HDAC9: variants seen among roughly 807,000 people sequenced by gnomAD.
HDAC9 encodes the protein MEF-2 interacting transcription repressor (MITR) protein.
In HDAC9, 41 loss-of-function variants were observed where a neutral mutation model predicts 139.4. The ratio of observed to expected loss-of-function variants is 0.29; its 90% CI spans 0.23 to 0.38. HDAC9 has a LOEUF of 0.38. HDAC9 is among the 10% of genes least tolerant of loss of function. HDAC9 has a pLI of 1.00. For missense variants in HDAC9, 1,147 were observed against 1,297.0 expected (o/e 0.88, Z 1.78); for synonymous variants, 517 against 476.2 (o/e 1.09, Z -1.12).
At chr7:18,751,728 G>A (rs1221393017) in intron 14 of HDAC9, among the ~76,000 whole-genome samples, 7 of 152,070 alleles carry the variant, frequency 4.6e-5, no homozygotes, top group South Asian at 2.1e-4. Flanking sequence ...ATTTTAGAAA[G>A]TATTAACTAA....
intron 8 of HDAC9, among the ~76,000 whole-genome samples, chr7:18,643,510 C>T (rs1786385031): frequency 1.3e-5 from 2 of 152,060 alleles, no homozygotes; most frequent in Non-Finnish European, 2.9e-5. Flanking sequence ...CATCTCCAAA[C>T]AAACGTATGA....
intron 2 of HDAC9, chr7:18,543,674 G>A (rs557068873): frequency 2.9e-4 from 44 of 152,146 alleles, no homozygotes; most frequent in Middle Eastern, 3.4e-3. Flanking sequence ...TGAACAAAAA[G>A]GTAAAATTTT....
chr7:18,883,648 C>T (rs1042466899), intron 22 of HDAC9, among the ~76,000 whole-genome samples: 2 of 151,982 alleles, frequency 1.3e-5, no homozygotes, highest in Non-Finnish European at 2.9e-5. Context: ...TGCTCACTCT[C>T]GCCACTTCTA....
chr7:18,482,100 T>G (rs539506070), intron 1 of HDAC9, among the ~76,000 whole-genome samples: 8 of 152,126 alleles, frequency 5.3e-5, no homozygotes, highest in Admixed American at 4.6e-4. Context: ...CAGGAGCCTC[T>G]GTAACTCTGA....
At chr7:18,979,644 C>G (rs188819066) in intron 25 of HDAC9, among the ~76,000 whole-genome samples, 16 of 152,302 alleles carry the variant, frequency 1.1e-4, no homozygotes, top group Admixed American at 1.0e-3. Context: ...ACAGGACTTT[C>G]AGGAAGCAAG....
intron 15 of HDAC9, among the ~76,000 whole-genome samples, chr7:18,765,054 G>A (rs368088734): frequency 3.3e-5 from 5 of 152,120 alleles, no homozygotes; most frequent in African/African-American, 7.2e-5. Context: ...TATTCCTGTC[G>A]CTCTTATGAC....
At chr7:18,429,407 T>A (rs1790423023) in intron 1 of HDAC9, 1 of 152,178 alleles carries the variant, frequency 6.6e-6, no homozygotes, top group Non-Finnish European at 1.5e-5. Flanking sequence ...ATGTGGTGTT[T>A]TGTTCCTTGT....
intron 2 of HDAC9, among the ~76,000 whole-genome samples, chr7:18,575,327 C>G (rs993454453): frequency 6.6e-6 from 1 of 152,088 alleles, no homozygotes; most frequent in Non-Finnish European, 1.5e-5. Context: ...TAATTTTTAT[C>G]TTTAAAATGG....
chr7:18,361,534 T>C (rs899478985), intron 1 of HDAC9, among the ~76,000 whole-genome samples: 1 of 152,182 alleles, frequency 6.6e-6, no homozygotes, highest in African/African-American at 2.4e-5. Context: ...ACATTCTTAT[T>C]CTGTATATTT....
intron 2 of HDAC9, among the ~76,000 whole-genome samples, chr7:18,194,938 TTGTGTGTG>T (rs112692661): frequency 6.7e-6 from 1 of 148,844 alleles, no homozygotes; most frequent in East Asian, 2.0e-4. Flanking sequence ...CTTTATAGTT[TTGTGTGTG>T]TGTGTGTGTG....
At chr7:18,694,649 C>G (rs1323565800) in intron 12 of HDAC9, among the ~76,000 whole-genome samples, 2 of 152,004 alleles carry the variant, frequency 1.3e-5, no homozygotes. Context: ...TCGCAAATCC[C>G]TTTCGTGGAG....
At chr7:18,356,614 C>T (rs909478243) in intron 1 of HDAC9, among the ~76,000 whole-genome samples, 3 of 151,996 alleles carry the variant, frequency 2.0e-5, no homozygotes, top group African/African-American at 7.2e-5. Flanking sequence ...GGAGTAATTT[C>T]AGTTGAAACT....
chr7:18,184,883 A>C (rs1434533829), intron 2 of HDAC9, among the ~76,000 whole-genome samples: 1 of 152,200 alleles, frequency 6.6e-6, no homozygotes, highest in East Asian at 1.9e-4. Context: ...TTTATGATTT[A>C]CACCTAATCT....
chr7:18,124,925 A>C (rs1409119635), intron 1 of HDAC9, among the ~76,000 whole-genome samples: 2 of 150,502 alleles, frequency 1.3e-5, no homozygotes, highest in Non-Finnish European at 3.0e-5. Flanking sequence ...CATTGTTAGC[A>C]ACAGAGGAAA....
chr7:18,987,954 C>T (rs920568301), intron 25 of HDAC9, among the ~76,000 whole-genome samples: 2 of 80,352 alleles, frequency 2.5e-5, no homozygotes, highest in East Asian at 3.5e-4. Flanking sequence ...TGATTCTTCT[C>T]CCTTTTCTTC....
chr7:18,362,680 G>T (rs979581078), intron 1 of HDAC9, among the ~76,000 whole-genome samples: 5 of 152,132 alleles, frequency 3.3e-5, no homozygotes, highest in African/African-American at 9.7e-5. Context: ...GTAAAAGAGT[G>T]AATGGATTGC....
In HDAC9 at chr7:18,596,086, A is replaced by G. The variant is rs1429891058; in HGVS notation, c.664+2057A>G. The stretch of plus-strand genomic sequence containing the variant: ...TAGTGAAAAATCCCTGGTCTTTTCT[A>G]GAGGTATTTTTTCTGTATTTGATCA... On this transcript the variant is annotated intron_variant, in intron 6 of 25. Coordinates refer to ENST00000686413, the MANE Select transcript of HDAC9 (RefSeq NM_178425.4). Among the ~76,000 whole-genome samples the G allele has an allele frequency of 2.6e-5, 4 of 152,024 alleles. No individual in the cohort carries two copies. In the East Asian group the frequency reaches 7.7e-4, roughly 29 times the overall value.
At chr7:18,985,357 A>T (rs1785258094) in intron 25 of HDAC9, among the ~76,000 whole-genome samples, 1 of 152,116 alleles carries the variant, frequency 6.6e-6, no homozygotes, top group Non-Finnish European at 1.5e-5. Context: ...ACTGAGAATG[A>T]TGTTTTCCAA....
At chr7:18,702,245 C>T (rs1783552036) in intron 12 of HDAC9, among the ~76,000 whole-genome samples, 2 of 152,146 alleles carry the variant, frequency 1.3e-5, no homozygotes, top group African/African-American at 2.4e-5. Flanking sequence ...TGCTATATTT[C>T]CGTGCTTACT....
Sources: gnomAD v4.1 joint callset for allele counts (sites outside exome capture counted in the v4.1 genomes callset) on GRCh38, gnomAD v4.1.1 for gene constraint, MANE v1.5 for transcripts, NCBI Gene and HGNC (gene_info 2026-07-23, HGNC 2026-07-21) for gene names.